CCDC7: variants seen among roughly 807,000 people sequenced by gnomAD.
The protein encoded by CCDC7 is coiled-coil domain containing 7, also known as coiled-coil domain-containing protein 7.
A neutral mutation model predicts 196.9 loss-of-function variants in CCDC7; 183 were observed. That is an observed-to-expected ratio of 0.93 (90% CI 0.82 to 1.05). The LOEUF is 1.05. Ranked by LOEUF, CCDC7 falls within the 50% of genes least tolerant of loss-of-function variation. The pLI, the probability that CCDC7 is intolerant of heterozygous loss-of-function variation, is 0.00. For synonymous variants in CCDC7, 525 were observed against 484.6 expected (o/e 1.08, Z -1.10); for missense variants, 1,540 against 1,482.2 (o/e 1.04, Z -0.64).
intron 13 of CCDC7, among the ~76,000 whole-genome samples, chr10:32,554,343 G>C (rs368002507): frequency 6.6e-6 from 1 of 152,140 alleles, no homozygotes; most frequent in Admixed American, 6.6e-5. Context: ...GAGGTTTCTT[G>C]CCCTGTTCAA....
intron 20 of CCDC7, among the ~76,000 whole-genome samples, chr10:32,653,340 C>G (rs1410789395): frequency 6.6e-6 from 1 of 152,090 alleles, no homozygotes; most frequent in Non-Finnish European, 1.5e-5. Context: ...TTTACTGTAG[C>G]AAAGCTGGTA....
intron 16 of CCDC7, among the ~76,000 whole-genome samples, chr10:32,572,128 C>CT (rs929913748): frequency 1.3e-5 from 2 of 152,024 alleles, no homozygotes; most frequent in South Asian, 2.1e-4. Flanking sequence ...TAGAAACAAA[C>CT]TTTTTTTTCC....
At chr10:32,594,080 G>A (rs531409370) in intron 18 of CCDC7, among the ~76,000 whole-genome samples, 1 of 152,222 alleles carries the variant, frequency 6.6e-6, no homozygotes, top group South Asian at 2.1e-4. Context: ...TTCCAATTCT[G>A]TGAAGAAAGT....
intron 39 of CCDC7, among the ~76,000 whole-genome samples, chr10:32,851,067 T>G (rs2093547271): frequency 6.6e-6 from 1 of 152,164 alleles, no homozygotes; most frequent in Non-Finnish European, 1.5e-5. Flanking sequence ...TCGTTTCTAG[T>G]CTCTGTGTTC....
chr10:32,703,694 C>T (rs906635745), intron 24 of CCDC7, among the ~76,000 whole-genome samples: 8 of 152,072 alleles, frequency 5.3e-5, no homozygotes, highest in Non-Finnish European at 1.2e-4. Flanking sequence ...ACCCATATTT[C>T]TTGGAGTCTT....
intron 28 of CCDC7, among the ~76,000 whole-genome samples, chr10:32,739,424 G>A (rs977408101): frequency 6.6e-5 from 10 of 151,714 alleles, no homozygotes; most frequent in African/African-American, 1.9e-4. Context: ...GAACATCAAA[G>A]GCATTCTTAA....
At chr10:32,448,010 C>A (rs1013462877), upstream of CCDC7, among the ~76,000 whole-genome samples, 1 of 152,116 alleles carries the variant, frequency 6.6e-6, no homozygotes, top group Non-Finnish European at 1.5e-5. Flanking sequence ...GCATTGTGTT[C>A]TTCCTTCAAA....
At chr10:32,588,560 T>C (rs745452166) in intron 18 of CCDC7, among the ~76,000 whole-genome samples, 7 of 152,204 alleles carry the variant, frequency 4.6e-5, no homozygotes, top group Non-Finnish European at 1.0e-4. Context: ...AGTCCATTTT[T>C]CTAGTATTTT....
At chr10:32,787,876 G>A (rs1213674423) in intron 29 of CCDC7, among the ~76,000 whole-genome samples, 1 of 152,062 alleles carries the variant, frequency 6.6e-6, no homozygotes, top group Non-Finnish European at 1.5e-5. Context: ...CAAGCTTCAG[G>A]CCTGCCCCTG....
intron 14 of CCDC7, 147 bp downstream of exon 15, chr10:32,565,767 C>A: frequency 1.5e-6 from 1 of 652,704 alleles, no homozygotes; most frequent in Non-Finnish European, 2.4e-6. Context: ...TCATTTTATG[C>A]ATTAGGGGTA....
At position 32,772,918 on chromosome 10, in the gene CCDC7, A is replaced by G. The variant is rs896337733; in HGVS notation, c.2906-6059A>G. 3.9e-5 allele frequency among the ~76,000 whole-genome samples: 6 copies of G among 152,184 alleles called. No homozygotes were observed. In the East Asian group the frequency reaches 1.2e-3, roughly 29 times the overall value. ...AGGCTGCAGCCTTTTGCTTCTTTCA[A>G]AGGGTCCATAGATTCCTTTGGTTTT... On this transcript the variant is annotated intron_variant, in intron 28 of 41. Transcript: ENST00000639629.
intron 16 of CCDC7, among the ~76,000 whole-genome samples, chr10:32,582,115 T>TATATAC (rs1466554232): frequency 9.0e-4 from 35 of 38,720 alleles, no homozygotes; most frequent in African/African-American, 3.3e-3. Flanking sequence ...ACTATATATA[T>TATATAC]ATATATATAT....
At chr10:32,762,765 T>C (rs2077653559) in intron 28 of CCDC7, among the ~76,000 whole-genome samples, 1 of 151,844 alleles carries the variant, frequency 6.6e-6, no homozygotes, top group Non-Finnish European at 1.5e-5. Context: ...AATGGGAGAA[T>C]GACCATCTCT....
At chr10:32,494,494 C>A (rs1488712352) in intron 9 of CCDC7, among the ~76,000 whole-genome samples, 2 of 152,012 alleles carry the variant, frequency 1.3e-5, no homozygotes, top group African/African-American at 4.8e-5. Flanking sequence ...TTGCTGCACC[C>A]ATCAACCTGT....
intron 28 of CCDC7, among the ~76,000 whole-genome samples, chr10:32,746,998 A>T (rs2074873782): frequency 6.6e-6 from 1 of 152,206 alleles, no homozygotes; most frequent in African/African-American, 2.4e-5. Flanking sequence ...CACCACTGGC[A>T]CATGCGGGGA....
intron 28 of CCDC7, among the ~76,000 whole-genome samples, chr10:32,757,634 C>G (rs2076689409): frequency 6.6e-6 from 1 of 152,094 alleles, no homozygotes. Context: ...GCACTAAATG[C>G]CCACAAGAGA....
At position 32,462,674 on chromosome 10, in the gene CCDC7, A is replaced by G. The variant is rs771603962; in HGVS notation, c.457-9A>G. The G allele has an allele frequency of 2.1e-6, 3 of 1,431,176 alleles. No homozygotes were observed. The highest frequency in any genetic ancestry group is 1.9e-6 in the Non-Finnish European group (2 of 1,050,580). 88.7% of individuals were successfully genotyped at this position (1,431,176 alleles called of 1,614,324 possible). On this transcript the variant is annotated splice_polypyrimidine_tract_variant and intron_variant, in intron 3 of 41. Transcript: ENST00000639629. Reference sequence around the variant, plus strand: ...TTTTAAATGTGTTAATTAAAACTTTATTTTTCAGATTTTGGAATCTCTTTT... The same window carrying G: ...TTTTAAATGTGTTAATTAAAACTTTGTTTTTCAGATTTTGGAATCTCTTTT...
At chr10:32,644,204 C>T (rs1048603888) in intron 20 of CCDC7, among the ~76,000 whole-genome samples, 1 of 152,134 alleles carries the variant, frequency 6.6e-6, no homozygotes, top group Non-Finnish European at 1.5e-5. Flanking sequence ...ATGGTAATAA[C>T]ATTCAAAATC....
At chr10:32,496,708 T>C (rs1471783685) in intron 9 of CCDC7, among the ~76,000 whole-genome samples, 1 of 152,226 alleles carries the variant, frequency 6.6e-6, no homozygotes, top group Non-Finnish European at 1.5e-5. Flanking sequence ...GATTTGTGTA[T>C]GTTGAACCAG....
Sources: gnomAD v4.1 joint callset for allele counts (sites outside exome capture counted in the v4.1 genomes callset) on GRCh38, gnomAD v4.1.1 for gene constraint, MANE v1.5 for transcripts, NCBI Gene and HGNC (gene_info 2026-07-23, HGNC 2026-07-21) for gene names.